STXBP5: variants seen among roughly 807,000 people sequenced by gnomAD.
STXBP5 encodes the protein syntaxin binding protein 5, also known as syntaxin-binding protein 5.
Under a neutral mutation model 152.4 loss-of-function variants are expected in STXBP5, and 50 were observed. That is an observed-to-expected ratio of 0.33 (90% CI 0.26 to 0.42). STXBP5 has a LOEUF of 0.42. STXBP5 is among the 10% of genes least tolerant of loss of function. The probability of loss-of-function intolerance (pLI) is 1.00; values close to 1 mark genes in which losing one functional copy is unlikely to be tolerated. For missense variants in STXBP5, 1,167 were observed against 1,388.6 expected, an observed-to-expected ratio of 0.84 and a Z score of 2.54; for synonymous variants, 492 against 494.7, an observed-to-expected ratio of 0.99 and a Z score of 0.07.
chr6:147,310,351 G>C, intron 10 of STXBP5, 113 bp downstream of exon 10: 2 of 781,956 alleles, frequency 2.6e-6, no homozygotes, highest in Non-Finnish European at 3.5e-6. Flanking sequence ...AATTCTTCTG[G>C]AGAAGAGCTG....
At chr6:147,235,037 A>G (rs1778198801) in intron 2 of STXBP5, among the ~76,000 whole-genome samples, 1 of 152,028 alleles carries the variant, frequency 6.6e-6, no homozygotes, top group Non-Finnish European at 1.5e-5. Flanking sequence ...ATTTTCTTCT[A>G]ATTTGCTTGT....
At chr6:147,231,930 A>G (rs144994282) in intron 2 of STXBP5, among the ~76,000 whole-genome samples, 171 of 151,998 alleles carry the variant, frequency 1.1e-3, no homozygotes, top group African/African-American at 3.9e-3. Flanking sequence ...GATAAATTCA[A>G]TGTTGACATT....
At chr6:147,317,883 T>C (rs527810396) in intron 16 of STXBP5, among the ~76,000 whole-genome samples, 15 of 152,302 alleles carry the variant, frequency 9.8e-5, no homozygotes, top group South Asian at 2.1e-4. Flanking sequence ...AATGTTTTTT[T>C]CCCAAGCCCT....
At chr6:147,359,436 G>A in intron 23 of STXBP5, 113 bp downstream of exon 23, 2 of 1,319,962 alleles carry the variant, frequency 1.5e-6, no homozygotes, top group Non-Finnish European at 2.0e-6. Context: ...AAAGTAAATG[G>A]GGACAGTGAT....
Position 147,204,420 on chromosome 6 carries a change from C to T in STXBP5, c.-113C>T. 3.1e-6 allele frequency: 3 copies of T among 968,044 alleles called. No individual in the cohort carries two copies. Among genetic ancestry groups the T allele is most frequent in the Admixed American group, 2.4e-5 (1 of 41,878 alleles). The allele number at this position is 968,044 out of a possible 1,614,324, so 60.0% of individuals were successfully genotyped here. A position where few individuals can be genotyped will look rare whatever the true frequency, so the allele number is the denominator to read the frequency against. The stretch of plus-strand genomic sequence containing the variant: ...CCCCAGCTGCCTCCTTACCCTCACA[C>T]TCCCACTCCTCCGTTTCCGCGGTCG... On this transcript the variant is annotated 5_prime_UTR_variant, in exon 1 of 28. Transcript: ENST00000321680. The surrounding 1 kb of genome is among the most constrained non-coding windows in gnomAD (Gnocchi z 4.3).
At chr6:147,213,816 G>A (rs1777021371) in intron 2 of STXBP5, among the ~76,000 whole-genome samples, 2 of 152,070 alleles carry the variant, frequency 1.3e-5, no homozygotes, top group African/African-American at 4.8e-5. Context: ...ATGTTTATCT[G>A]TTTAAGAGTA....
intron 18 of STXBP5, among the ~76,000 whole-genome samples, chr6:147,329,981 A>G (rs1016123777): frequency 9.2e-5 from 14 of 152,132 alleles, no homozygotes; most frequent in Non-Finnish European, 2.1e-4. Flanking sequence ...TTTCCTACAA[A>G]TAGATGCTGA....
intron 4 of STXBP5, among the ~76,000 whole-genome samples, chr6:147,247,092 T>C (rs1210566476): frequency 1.3e-5 from 2 of 152,232 alleles, no homozygotes; most frequent in Non-Finnish European, 2.9e-5. Context: ...TAGACAGTTA[T>C]AAAAGAGTGT....
intron 16 of STXBP5, among the ~76,000 whole-genome samples, chr6:147,319,828 CTT>C (rs55948948): frequency 0.41 from 28,925 of 71,220 alleles, 4,802 homozygotes; most frequent in Non-Finnish European, 0.47. Context: ...TATCTGGATT[CTT>C]TTTTTTTTTT....
intron 4 of STXBP5, among the ~76,000 whole-genome samples, chr6:147,258,371 T>C (rs1220330458): frequency 6.6e-6 from 1 of 152,190 alleles, no homozygotes; most frequent in Non-Finnish European, 1.5e-5. Flanking sequence ...AACGATACCT[T>C]CTGTCTTGTC....
intron 9 of STXBP5, among the ~76,000 whole-genome samples, chr6:147,302,057 T>C (rs1781847053): frequency 1.3e-5 from 2 of 152,324 alleles, no homozygotes; most frequent in Middle Eastern, 3.4e-3. Flanking sequence ...ATTGGACTTA[T>C]CCATGACTCA....
intron 8 of STXBP5, among the ~76,000 whole-genome samples, chr6:147,283,423 G>C (rs140626625): frequency 3.7e-4 from 56 of 152,194 alleles, no homozygotes; most frequent in African/African-American, 1.3e-3. Context: ...TATTTGAAAA[G>C]ACTTACCAGA....
intron 6 of STXBP5, among the ~76,000 whole-genome samples, chr6:147,264,438 A>G (rs1451884694): frequency 6.6e-6 from 1 of 152,168 alleles, no homozygotes; most frequent in Non-Finnish European, 1.5e-5. Context: ...TACAAATTAT[A>G]AAGCAGAGAC....
At chr6:147,325,780 T>C (rs561054686) in intron 17 of STXBP5, among the ~76,000 whole-genome samples, 28 of 152,278 alleles carry the variant, frequency 1.8e-4, no homozygotes, top group African/African-American at 6.5e-4. Context: ...ATTTTTTTTC[T>C]TGCTGGTAGC....
chr6:147,218,181 A>G (rs185492910), intron 2 of STXBP5, among the ~76,000 whole-genome samples: 2 of 152,316 alleles, frequency 1.3e-5, no homozygotes, highest in East Asian at 1.9e-4. Context: ...TTGAATCTAC[A>G]TTGACACATC....
At chr6:147,261,811 G>A (rs1160245501) in intron 5 of STXBP5, among the ~76,000 whole-genome samples, 1 of 151,824 alleles carries the variant, frequency 6.6e-6, no homozygotes, top group East Asian at 1.9e-4. Context: ...ATAGGCATCA[G>A]TTCAACCATA....
intron 2 of STXBP5, among the ~76,000 whole-genome samples, chr6:147,211,087 C>T (rs1449908598): frequency 1.3e-4 from 19 of 151,938 alleles, no homozygotes; most frequent in East Asian, 9.7e-4. Context: ...CCAAGGCAGG[C>T]GGTCATGAGG....
At chr6:147,349,639 T>C (rs1324584534) in intron 21 of STXBP5, among the ~76,000 whole-genome samples, 1 of 152,214 alleles carries the variant, frequency 6.6e-6, no homozygotes, top group East Asian at 1.9e-4. Context: ...ATAAATCCCA[T>C]GTACTCCAGT....
intron 4 of STXBP5, among the ~76,000 whole-genome samples, chr6:147,241,243 A>G (rs939926614): frequency 6.6e-6 from 1 of 152,186 alleles, no homozygotes; most frequent in Non-Finnish European, 1.5e-5. Context: ...ATTAACATGC[A>G]TTAGTGTGGT....
Sources: allele counts gnomAD v4.1 joint callset (sites outside exome capture counted in the v4.1 genomes callset), GRCh38; gene constraint gnomAD v4.1.1; non-coding constraint Gnocchi (gnomAD v3.1); transcripts MANE v1.5; gene names NCBI Gene and HGNC (gene_info 2026-07-23, HGNC 2026-07-21).